The following SIM1 variants were observed in gnomAD, a reference collection of about 807,000 sequenced individuals.
SIM1 encodes single-minded homolog 1.
A neutral mutation model predicts 78.2 loss-of-function variants in SIM1; 18 were observed. The observed-to-expected ratio is 0.23, with a 90% CI of 0.16 to 0.34. The LOEUF (loss-of-function observed/expected upper bound fraction) is 0.34, where lower values mean the gene tolerates loss of function less well. Ranked by LOEUF, SIM1 falls within the 10% of genes least tolerant of loss-of-function variation. The pLI, the probability that SIM1 is intolerant of heterozygous loss-of-function variation, is 1.00. For synonymous variants in SIM1, 417 were observed against 385.2 expected, an observed-to-expected ratio of 1.08 and a Z score of -0.97; for missense variants, 939 against 975.1, an observed-to-expected ratio of 0.96 and a Z score of 0.49.
At chr6:100,463,265 T>C in intron 2 of SIM1, 29 bp downstream of exon 2, 1 of 1,583,974 alleles carries the variant, frequency 6.3e-7, no homozygotes, top group Non-Finnish European at 8.6e-7. Context: ...CTTCTGCCTT[T>C]GAAATTCCAT....
intron 9 of SIM1, among the ~76,000 whole-genome samples, chr6:100,446,725 G>A (rs1305997837): frequency 6.6e-6 from 1 of 152,214 alleles, no homozygotes; most frequent in East Asian, 1.9e-4. Context: ...AAGACTTGCA[G>A]CGTTCTCTTG....
Position 100,387,919 on chromosome 6 carries a change from G to A in SIM1, c.*2442C>T, listed in dbSNP as rs1006412043. ...TTAGCTTCTGTCCCTGGCACATTTG[G>A]TAGAATATATAGCCACCAGAAATAC... On this transcript the variant is annotated 3_prime_UTR_variant, in exon 12 of 12. Transcript: ENST00000369208. 1.3e-5 allele frequency: 2 copies of A among 151,900 alleles called. No homozygotes were observed. The highest frequency in any genetic ancestry group is 3.4e-3 in the Middle Eastern group (1 of 294). The allele number at this position is 151,900 out of a possible 1,614,324, so 9.4% of individuals were successfully genotyped here.
chr6:100,417,496 C>T (rs75605673), intron 10 of SIM1, among the ~76,000 whole-genome samples: 4,689 of 152,114 alleles, frequency 0.031, 265 homozygotes, highest in African/African-American at 0.11. Context: ...CACATAATAG[C>T]AATGATGCAT....
intron 9 of SIM1, chr6:100,427,280 T>C (rs983261851): frequency 1.3e-5 from 2 of 152,236 alleles, no homozygotes; most frequent in Non-Finnish European, 2.9e-5. Context: ...TAAGGCACCC[T>C]TGGAAATGTA....
intron 2 of SIM1, among the ~76,000 whole-genome samples, chr6:100,459,203 T>C (rs1268359782): frequency 6.6e-6 from 1 of 152,244 alleles, no homozygotes; most frequent in Non-Finnish European, 1.5e-5. Flanking sequence ...CACCATAGCT[T>C]ATAATACCTG....
At position 100,412,689 on chromosome 6, in the gene SIM1, A is replaced by G. The variant is rs1254233716; in HGVS notation, c.1167+8101T>C. Reference sequence around the variant, plus strand: ...AGAGAGAGAGAAAGAAAGAAAAAGAAAGAAAGAAAGAAAGAAAGAAAGAAA... The same window carrying G: ...AGAGAGAGAGAAAGAAAGAAAAAGAGAGAAAGAAAGAAAGAAAGAAAGAAA... On this transcript the variant is annotated intron_variant, in intron 10 of 11. Transcript: ENST00000369208. Among the ~76,000 whole-genome samples the G allele has an allele frequency of 2.5e-3, 165 of 67,146 alleles. 5 individuals are homozygous for G. Among genetic ancestry groups the G allele is most frequent in the African/African-American group, 9.3e-3 (152 of 16,292 alleles). 44.1% of individuals were successfully genotyped at this position (67,146 alleles called of 152,430 possible).
chr6:100,390,406 T>C lies in SIM1; in HGVS notation c.2256A>G (p.Ala752=), dbSNP rs751012304. The change falls in exon 12 of 12, where the codon GCA becomes GCG. Residue 752 remains alanine (A), a synonymous_variant. Coordinates refer to ENST00000369208, the MANE Select transcript of SIM1 (RefSeq NM_005068.3). ...TAACAGATGTTCCCTTGTGTCCTTG[T>C]GCTGGGTCTGGTTGCATCCTCAGAT... ...TSHLRMQPDP[A]QGHKGTSVII... is the part of the protein sequence containing the mutation. 6.2e-6 allele frequency: 10 copies of C among 1,614,056 alleles called. No homozygotes were observed. In the East Asian group the frequency reaches 2.2e-4, roughly 36 times the overall value.
intron 9 of SIM1, among the ~76,000 whole-genome samples, chr6:100,430,213 T>A (rs1452203783): frequency 6.6e-6 from 1 of 152,242 alleles, no homozygotes; most frequent in East Asian, 1.9e-4. Flanking sequence ...GGGACTTTAT[T>A]ATGCTCAGAA....
chr6:100,464,591 G>A (rs1469019978), intron 1 of SIM1, 23 bp downstream of exon 1: 1 of 152,192 alleles, frequency 6.6e-6, no homozygotes, highest in East Asian at 2.0e-4. Flanking sequence ...GGGCGGGCGC[G>A]GGGCGTCTTC....
At chr6:100,452,176 T>A (rs1051344460) in intron 3 of SIM1, among the ~76,000 whole-genome samples, 1 of 152,182 alleles carries the variant, frequency 6.6e-6, no homozygotes, top group Non-Finnish European at 1.5e-5. Flanking sequence ...AAATCATCAG[T>A]GTCACCTCCT....
chr6:100,410,264 T>C (rs541139343), intron 10 of SIM1, among the ~76,000 whole-genome samples: 1 of 152,312 alleles, frequency 6.6e-6, no homozygotes, highest in South Asian at 2.1e-4. Flanking sequence ...TTTCCCTAGA[T>C]ACGTTTTGAT....
chr6:100,405,145 T>C (rs779801476), intron 10 of SIM1, among the ~76,000 whole-genome samples: 21 of 151,958 alleles, frequency 1.4e-4, no homozygotes, highest in Admixed American at 2.6e-4. Flanking sequence ...GTCTCACAAA[T>C]TTTTAGCATT....
In SIM1 at chr6:100,463,418, G is replaced by T; in HGVS notation, c.51C>A (p.Asn17Lys). The T allele has an allele frequency of 6.2e-7, 1 of 1,613,930 alleles. No individual in the cohort carries two copies. Among genetic ancestry groups the T allele is most frequent in the Non-Finnish European group, 8.5e-7 (1 of 1,179,848 alleles). The change falls in exon 2 of 12, where the codon AAC becomes AAA. Residue 17 changes from asparagine to lysine, a missense_variant. Around this residue, in one of 5 missense-constraint regions of SIM1, gnomAD observed 121 missense variants for 124.6 expected, o/e 0.97. Coordinates refer to ENST00000369208, the MANE Select transcript of SIM1 (RefSeq NM_005068.3). ...NAARTRREKENSEFYELAKLL... is the reference protein window; with the variant it reads ...NAARTRREKEKSEFYELAKLL... ...ATTTAGCCAGTTCATAAAATTCACT[G>T]TTTTCCTTCTCCCTCCTAGTCCGCG...
chr6:100,390,175 T>A lies in SIM1; in HGVS notation c.*186A>T, dbSNP rs1167493069. On this transcript the variant is annotated 3_prime_UTR_variant, in exon 12 of 12. Transcript: ENST00000369208. ...AATTTGTGTATTCAATTTAGCTCCC[T>A]TTTCTGTGTATAACCCTGAATGCTA... 9 of 632,738 alleles carry A rather than the reference T, an allele frequency of 1.4e-5. No homozygotes were observed. Among genetic ancestry groups the A allele is most frequent in the Non-Finnish European group, 2.4e-5 (9 of 379,980 alleles). The allele number at this position is 632,738 out of a possible 1,614,324, so 39.2% of individuals were successfully genotyped here. A position where few individuals can be genotyped will look rare whatever the true frequency, so the allele number is the denominator to read the frequency against.
Position 100,385,087 on chromosome 6 carries a change from G to T in SIM1, c.*5274C>A, listed in dbSNP as rs144544209. ...AATACATTTTATGCACATTAACTTC[G>T]AATTTACTTCAGAAAGCTATTTACA... On this transcript the variant is annotated 3_prime_UTR_variant, in exon 12 of 12. Coordinates refer to ENST00000369208, the MANE Select transcript of SIM1 (RefSeq NM_005068.3). 1 of 151,762 alleles carries T rather than the reference G, an allele frequency of 6.6e-6. No homozygotes were observed. The highest frequency in any genetic ancestry group is 1.5e-5 in the Non-Finnish European group (1 of 67,902). 9.4% of individuals were successfully genotyped at this position (151,762 alleles called of 1,614,324 possible).
chr6:100,391,116 T>G, intron 11 of SIM1, 25 bp from the exon 12 acceptor site: 2 of 1,549,588 alleles, frequency 1.3e-6, no homozygotes, highest in Non-Finnish European at 1.7e-6. Context: ...AAGTCAAAAG[T>G]AAGTGATCTC....
rs1041801016 is a variant in SIM1 at position 100,387,799 on chromosome 6, T to C, written c.*2562A>G. On this transcript the variant is annotated 3_prime_UTR_variant, in exon 12 of 12. Transcript: ENST00000369208. ...TAATTTCTTCTTCTCACCAGTTAAC[T>C]ATCTTCCATATAAAAATTCCACTGA... The C allele has an allele frequency of 4.6e-5, 7 of 152,122 alleles. No individual in the cohort carries two copies. Among genetic ancestry groups the C allele is most frequent in the Non-Finnish European group, 1.0e-4 (7 of 67,962 alleles). 9.4% of individuals were successfully genotyped at this position (152,122 alleles called of 1,614,324 possible).
intron 10 of SIM1, among the ~76,000 whole-genome samples, chr6:100,402,359 AGGGCC>A (rs1770935686): frequency 6.6e-6 from 1 of 152,094 alleles, no homozygotes; most frequent in Non-Finnish European, 1.5e-5. Context: ...TCTAAATAGT[AGGGCC>A]TTTTCTTCCA....
chr6:100,420,295 A>T (rs753796044), intron 10 of SIM1, among the ~76,000 whole-genome samples: 4 of 152,142 alleles, frequency 2.6e-5, no homozygotes, highest in Non-Finnish European at 5.9e-5. Flanking sequence ...CATTCCTGCC[A>T]TCTGGAAGAC....
Sources: allele counts gnomAD v4.1 joint callset (sites outside exome capture counted in the v4.1 genomes callset), GRCh38; gene constraint gnomAD v4.1.1; regional missense constraint gnomAD v4.1.1; transcripts MANE v1.5; gene names NCBI Gene and HGNC (gene_info 2026-07-23, HGNC 2026-07-21).